Variants in RNF135 observed in about 807,000 individuals in gnomAD.
RNF135 encodes E3 ubiquitin-protein ligase RNF135.
A neutral mutation model predicts 41.9 loss-of-function variants in RNF135; 46 were observed. The ratio of observed to expected loss-of-function variants is 1.10; its 90% CI spans 0.87 to 1.40. The LOEUF is 1.40. Among genes scored for constraint, RNF135 ranks in the 40% most tolerant of loss-of-function variants. RNF135 has a pLI of 0.00. For synonymous variants in RNF135, 238 were observed against 223.8 expected (o/e 1.06, Z -0.57); for missense variants, 539 against 549.8 (o/e 0.98, Z 0.20).
At chr17:30,984,372 A>G (rs1273985632) in intron 1 of RNF135, among the ~76,000 whole-genome samples, 1 of 152,194 alleles carries the variant, frequency 6.6e-6, no homozygotes, top group East Asian at 1.9e-4. Flanking sequence ...GCATATAGAT[A>G]TCCAGTTTTC....
intron 1 of RNF135, chr17:30,973,345 T>C (rs1047159360): frequency 6.6e-6 from 1 of 152,214 alleles, no homozygotes; most frequent in Admixed American, 6.5e-5. Flanking sequence ...TCCTTTGATG[T>C]GCAAAAGTTT....
intron 3 of RNF135, chr17:30,993,923 A>T (rs922382948): frequency 3.0e-5 from 18 of 592,078 alleles, no homozygotes; most frequent in Non-Finnish European, 5.0e-5. Flanking sequence ...CCTTCCTAAG[A>T]CTCCCAAGTA....
At chr17:30,983,557 T>G (rs1907373930) in intron 1 of RNF135, among the ~76,000 whole-genome samples, 1 of 150,946 alleles carries the variant, frequency 6.6e-6, no homozygotes, top group Non-Finnish European at 1.5e-5. Context: ...TTTCACCAGG[T>G]TGGCCAGGAT....
At chr17:30,960,972 C>T in the RNF135 span, among the ~76,000 whole-genome samples, 1 of 152,076 alleles carries the variant, frequency 6.6e-6, no homozygotes, top group Non-Finnish European at 1.5e-5. Context: ...ATCTCCCAAC[C>T]TCGTGATCCA....
At chr17:30,991,418 CTTTT>C (rs1028884578) in intron 3 of RNF135, among the ~76,000 whole-genome samples, 1 of 139,182 alleles carries the variant, frequency 7.2e-6, no homozygotes, top group Non-Finnish European at 1.6e-5. Flanking sequence ...CTTTCTCTTT[CTTTT>C]TTTTTTTTTT....
chr17:30,984,572 G>C lies in RNF135; in HGVS notation c.373-45G>C, dbSNP rs747097845. ...CCCTCTGTCTAGTGGTGGTTCCTGG[G>C]TCCAGTTTTATAGAACCCAGGACCT... On this transcript the variant is annotated intron_variant, in intron 1 of 4. Coordinates refer to ENST00000328381, the MANE Select transcript of RNF135 (RefSeq NM_032322.4). The C allele has an allele frequency of 4.3e-6, 7 of 1,612,026 alleles. No individual in the cohort carries two copies. In the South Asian group the frequency reaches 7.7e-5, roughly 18 times the overall value.
At chr17:30,998,526 T>G in intron 4 of RNF135, 136 bp from the exon 5 acceptor site, 1 of 826,314 alleles carries the variant, frequency 1.2e-6, no homozygotes, top group Non-Finnish European at 2.0e-6. Flanking sequence ...TCCTGTTGGG[T>G]GATGTAGCAA....
In RNF135 at chr17:30,988,079, A is replaced by T. The variant is rs375204178; in HGVS notation, c.652A>T (p.Lys218Ter). The change falls in exon 3 of 5, where the codon AAA (lysine) becomes TAA (stop). Residue 218 changes from lysine (K) to a stop codon, truncating the protein, a stop_gained. Coordinates refer to ENST00000328381, the MANE Select transcript of RNF135 (RefSeq NM_032322.4). LOFTEE classifies it high-confidence loss of function. ...AAAATTACAAGAAAGCGTCACCTGGAAAGAGGCTCCTGAAGCACAAATGCA... is the reference window on the plus strand; with the variant it reads ...AAAATTACAAGAAAGCGTCACCTGGTAAGAGGCTCCTGAAGCACAAATGCA... ...QEKLQESVTW[K>*]EAPEAQMQGE... 1 of 1,614,138 alleles carries T rather than the reference A, an allele frequency of 6.2e-7. No individual in the cohort carries two copies. The highest frequency in any genetic ancestry group is 8.5e-7 in the Non-Finnish European group (1 of 1,180,008).
upstream of RNF135, among the ~76,000 whole-genome samples, chr17:30,969,956 C>T (rs1461218364): frequency 1.3e-5 from 2 of 151,662 alleles, no homozygotes; most frequent in African/African-American, 4.8e-5. Context: ...TTTGTATTTT[C>T]AGTAGAGATG....
chr17:30,966,477 T>C (rs1445130057), upstream of RNF135, among the ~76,000 whole-genome samples: 2 of 149,614 alleles, frequency 1.3e-5, no homozygotes, highest in Non-Finnish European at 2.9e-5. Context: ...CTAACGACTT[T>C]TGTAACACAA....
rs950693220 is a variant in RNF135 at position 30,988,226 on chromosome 17, G to T, written c.679+120G>T. 21 of 985,870 alleles carry T rather than the reference G, an allele frequency of 2.1e-5. No homozygotes were observed. The African/African-American group carries it at 2.6e-4, about 12-fold the overall frequency. The allele number at this position is 985,870 out of a possible 1,614,324, so 61.1% of individuals were successfully genotyped here. On this transcript the variant is annotated intron_variant, in intron 3 of 4. Coordinates refer to ENST00000328381, the MANE Select transcript of RNF135 (RefSeq NM_032322.4). ...CAGAGTCCAGCTGTATTACCACTGTGGTGTCGTGAATCAGGTAGGGGTGGG... is the reference window on the plus strand; with the variant it reads ...CAGAGTCCAGCTGTATTACCACTGTTGTGTCGTGAATCAGGTAGGGGTGGG...
chr17:30,973,741 C>T (rs1416522155), intron 1 of RNF135, among the ~76,000 whole-genome samples: 5 of 152,172 alleles, frequency 3.3e-5, no homozygotes, highest in South Asian at 2.1e-4. Flanking sequence ...GTTGGGATTA[C>T]AGGCATGAGC....
chr17:30,960,723 T>C, the RNF135 span, among the ~76,000 whole-genome samples: 4 of 140,652 alleles, frequency 2.8e-5, no homozygotes, highest in Admixed American at 2.7e-4. Flanking sequence ...TTATTTTATT[T>C]TATTTTATTT....
chr17:30,996,612 G>A (rs1479679878), intron 3 of RNF135, among the ~76,000 whole-genome samples: 1 of 152,094 alleles, frequency 6.6e-6, no homozygotes, highest in Non-Finnish European at 1.5e-5. Flanking sequence ...TAGATTCACT[G>A]CAGCTGCTGT....
At chr17:30,960,827 C>T in the RNF135 span, among the ~76,000 whole-genome samples, 1 of 151,164 alleles carries the variant, frequency 6.6e-6, no homozygotes, top group Non-Finnish European at 1.5e-5. Flanking sequence ...GCAAGCTCCG[C>T]CTCCCGGGTT....
chr17:30,970,325 C>T (rs1905784518), upstream of RNF135: 1 of 152,106 alleles, frequency 6.6e-6, no homozygotes, highest in African/African-American at 2.4e-5. Flanking sequence ...CAGGAAAACA[C>T]TTTCTAGAAT....
Position 30,986,487 on chromosome 17 carries a change from G to A in RNF135, c.517-1457G>A, listed in dbSNP as rs116214237. On this transcript the variant is annotated intron_variant, in intron 2 of 4. Transcript: ENST00000328381. ...TGGGATTACAGGCGTGCGCCACATT[G>A]CCTGGCTGATGCTTTTGTTCTTTTG... Among the ~76,000 whole-genome samples, 800 of 152,284 alleles carry A rather than the reference G, an allele frequency of 5.3e-3. 11 individuals are homozygous for A. The highest frequency in any genetic ancestry group is 0.018 in the African/African-American group (762 of 41,560).
At chr17:30,966,396 A>T (rs925368765), upstream of RNF135, among the ~76,000 whole-genome samples, 24 of 107,224 alleles carry the variant, frequency 2.2e-4, no homozygotes, top group African/African-American at 4.9e-3. Flanking sequence ...TTATTTTATT[A>T]TTTTTTTATT....
intron 1 of RNF135, among the ~76,000 whole-genome samples, chr17:30,974,820 C>T (rs1906297537): frequency 6.6e-6 from 1 of 151,944 alleles, no homozygotes. Context: ...GCTGGGGTTA[C>T]AGGTGCCCAT....
Sources: gnomAD v4.1 joint callset for allele counts (sites outside exome capture counted in the v4.1 genomes callset) on GRCh38, gnomAD v4.1.1 for gene constraint, MANE v1.5 for transcripts, NCBI Gene and HGNC (gene_info 2026-07-23, HGNC 2026-07-21) for gene names.